Variants in COL5A2 observed in about 807,000 individuals in gnomAD.
COL5A2 encodes the protein collagen type V alpha 2 chain.
A neutral mutation model predicts 208.2 loss-of-function variants in COL5A2; 23 were observed. That is an observed-to-expected ratio of 0.11 (90% CI 0.08 to 0.16). The LOEUF (loss-of-function observed/expected upper bound fraction) is 0.16, where lower values mean the gene tolerates loss of function less well. Ranked by LOEUF, COL5A2 falls within the 10% of genes least tolerant of loss-of-function variation. The pLI is 1.00. For synonymous variants in COL5A2, 625 were observed against 628.5 expected (o/e 0.99, Z 0.08); for missense variants, 1,590 against 1,956.4 (o/e 0.81, Z 3.53).
At chr2:189,253,353 T>G in the COL5A2 span, among the ~76,000 whole-genome samples, 2 of 152,240 alleles carry the variant, frequency 1.3e-5, no homozygotes, top group Admixed American at 1.3e-4. Context: ...ACATTCATTT[T>G]CCTCATTTTT....
At chr2:189,323,122 G>A in the COL5A2 span, among the ~76,000 whole-genome samples, 4 of 152,036 alleles carry the variant, frequency 2.6e-5, no homozygotes, top group South Asian at 2.1e-4. Context: ...ATTCAAAAGC[G>A]CTTCATGCTG....
chr2:189,074,589 T>C (rs1467175829), intron 17 of COL5A2, among the ~76,000 whole-genome samples: 1 of 152,194 alleles, frequency 6.6e-6, no homozygotes, highest in Non-Finnish European at 1.5e-5. Flanking sequence ...GCTCCACTCT[T>C]GCATATCTAA....
At chr2:189,319,527 C>G in the COL5A2 span, among the ~76,000 whole-genome samples, 1 of 152,282 alleles carries the variant, frequency 6.6e-6, no homozygotes, top group Non-Finnish European at 1.5e-5. Flanking sequence ...TATCCCGTGC[C>G]TGGCTCGGAG....
upstream of COL5A2, among the ~76,000 whole-genome samples, chr2:189,182,717 A>G (rs537650489): frequency 7.2e-5 from 11 of 152,334 alleles, no homozygotes; most frequent in African/African-American, 2.2e-4. Flanking sequence ...CCACCAAGAA[A>G]AGTGATAATG....
the COL5A2 span, among the ~76,000 whole-genome samples, chr2:189,318,272 G>C: frequency 2.6e-5 from 4 of 152,092 alleles, no homozygotes; most frequent in Non-Finnish European, 5.9e-5. Flanking sequence ...AGTATGACAA[G>C]GGGATAAAAA....
intron 1 of COL5A2, among the ~76,000 whole-genome samples, chr2:189,215,709 T>C (rs1689270842): frequency 6.6e-6 from 1 of 152,176 alleles, no homozygotes; most frequent in African/African-American, 2.4e-5. Context: ...AAAACATTTT[T>C]GAAAGACTCT....
chr2:189,435,464 T>A, the COL5A2 span, among the ~76,000 whole-genome samples: 1 of 151,734 alleles, frequency 6.6e-6, no homozygotes, highest in African/African-American at 2.4e-5. Context: ...TACAAAGAAC[T>A]CAAACAAATT....
the COL5A2 span, among the ~76,000 whole-genome samples, chr2:189,367,279 T>C: frequency 6.6e-6 from 1 of 152,156 alleles, no homozygotes; most frequent in Admixed American, 6.6e-5. Context: ...GATAATCCCA[T>C]GTTCTCAGAA....
At chr2:189,207,522 G>A (rs1689156764) in intron 1 of COL5A2, among the ~76,000 whole-genome samples, 1 of 152,120 alleles carries the variant, frequency 6.6e-6, no homozygotes, top group African/African-American at 2.4e-5. Flanking sequence ...TCTGGTCTTA[G>A]TGCTAAGGTT....
chr2:189,215,347 T>C (rs1265652693), intron 1 of COL5A2, among the ~76,000 whole-genome samples: 1 of 152,160 alleles, frequency 6.6e-6, no homozygotes, highest in African/African-American at 2.4e-5. Context: ...AAGTGTCTAT[T>C]AAGCACTTGA....
Position 189,063,178 on chromosome 2 carries a change from A to G in COL5A2, c.1863T>C (p.Gly621=). Reference sequence around the variant, plus strand: ...TATTATACACTGTACTCACACTGCTACCTTTGGGGCCTGGAAGGCCCATGC... The same window carrying G: ...TATTATACACTGTACTCACACTGCTGCCTTTGGGGCCTGGAAGGCCCATGC... The part of the protein sequence containing the change: ...PGSMGLPGPK[G]SSGDPGKPGE... The change falls in exon 27 of 54, where the codon GGT becomes GGC. Residue 621 remains glycine, a synonymous_variant. Coordinates refer to ENST00000374866, the MANE Select transcript of COL5A2 (RefSeq NM_000393.5). The G allele has an allele frequency of 6.2e-7, 1 of 1,614,022 alleles. No individual in the cohort carries two copies.
rs1173293989 is a variant in COL5A2, at chr2:189,049,387, G to T, written c.3107C>A (p.Pro1036His). The T allele has an allele frequency of 1.2e-6, 2 of 1,613,408 alleles. No homozygotes were observed. The highest frequency in any genetic ancestry group is 1.7e-5 in the Admixed American group (1 of 59,984). ...GDKGPPGPVG[P>H]PGSNGPVGEP... ...CCCTACAGGACCATTGGAGCCTGGG[G>T]GCCCCACAGGTCCAGGTGGACCTTT... The change falls in exon 44 of 54, where the codon CCC (proline) becomes CAC (histidine). Residue 1036 changes from proline (P) to histidine (H), a missense_variant. Transcript: ENST00000374866.
chr2:189,405,604 C>T, the COL5A2 span, among the ~76,000 whole-genome samples: 2,969 of 152,184 alleles, frequency 0.02, 97 homozygotes, highest in African/African-American at 0.068. Context: ...GACTATTTTG[C>T]GTATTGGCCA....
the COL5A2 span, among the ~76,000 whole-genome samples, chr2:189,380,036 T>TTA: frequency 0.043 from 6,497 of 149,942 alleles, 163 homozygotes; most frequent in African/African-American, 0.056. Flanking sequence ...GTGAAATATT[T>TTA]TATATATATA....
intron 32 of COL5A2, 104 bp downstream of exon 32, chr2:189,058,745 G>T (rs1005940052): frequency 1.8e-6 from 2 of 1,124,540 alleles, no homozygotes; most frequent in Non-Finnish European, 2.6e-6. Flanking sequence ...TCCAGTCAAA[G>T]AATTTATAGG....
intron 1 of COL5A2, among the ~76,000 whole-genome samples, chr2:189,111,264 A>G (rs73980135): frequency 0.018 from 2,682 of 152,294 alleles, 25 homozygotes; most frequent in Non-Finnish European, 0.02. Context: ...ATTGCTCAAG[A>G]GCAGTTCTAT....
the COL5A2 span, among the ~76,000 whole-genome samples, chr2:189,428,159 G>A: frequency 6.6e-6 from 1 of 152,166 alleles, no homozygotes; most frequent in African/African-American, 2.4e-5. Flanking sequence ...GCGGCAGGGT[G>A]AAATGATATG....
chr2:189,345,927 G>A, the COL5A2 span, among the ~76,000 whole-genome samples: 276 of 152,262 alleles, frequency 1.8e-3, 1 homozygote, highest in African/African-American at 6.5e-3. Context: ...GTAAGTGTTA[G>A]TTGACTGAGT....
In COL5A2 at chr2:189,057,521, T is replaced by C. The variant is rs1217005371; in HGVS notation, c.2230-94A>G. 3 of 867,284 alleles carry C rather than the reference T, an allele frequency of 3.5e-6. No homozygotes were observed. The East Asian group carries it at 7.4e-5, about 21-fold the overall frequency. The allele number at this position is 867,284 out of a possible 1,614,324, so 53.7% of individuals were successfully genotyped here. A position where few individuals can be genotyped will look rare whatever the true frequency, so the allele number is the denominator to read the frequency against. ...GTGGGTCAAAAGTAGTTGTCAGCAA[T>C]TTCATGTAGTTCAACTTAGTGCTTA... is the stretch of plus-strand genomic sequence containing the variant. On this transcript the variant is annotated intron_variant, in intron 33 of 53. Coordinates refer to ENST00000374866, the MANE Select transcript of COL5A2 (RefSeq NM_000393.5).
Sources: allele counts gnomAD v4.1 joint callset (sites outside exome capture counted in the v4.1 genomes callset), GRCh38; gene constraint gnomAD v4.1.1; transcripts MANE v1.5; gene names NCBI Gene and HGNC (gene_info 2026-07-23, HGNC 2026-07-21).